Variants in KALRN observed in about 807,000 individuals in gnomAD.
The protein encoded by KALRN is kalirin RhoGEF kinase.
In KALRN, 70 loss-of-function variants were observed where a neutral mutation model predicts 353.7. The ratio of observed to expected loss-of-function variants is 0.20; its 90% CI spans 0.16 to 0.24. The LOEUF (loss-of-function observed/expected upper bound fraction) is 0.24. Among genes scored for constraint, KALRN ranks in the 10% least tolerant of loss-of-function variants. The pLI is 1.00. For missense variants in KALRN, 2,791 were observed against 3,756.7 expected, an observed-to-expected ratio of 0.74 and a Z score of 6.72; for synonymous variants, 1,391 against 1,434.8, an observed-to-expected ratio of 0.97 and a Z score of 0.69.
At chr3:124,543,397 G>A (rs887714019) in intron 33 of KALRN, among the ~76,000 whole-genome samples, 1 of 151,718 alleles carries the variant, frequency 6.6e-6, no homozygotes, top group South Asian at 2.1e-4. Flanking sequence ...CGCCTCCCAG[G>A]TTCTCACCAT....
At chr3:124,323,439 C>G (rs771181286) in intron 6 of KALRN, among the ~76,000 whole-genome samples, 4 of 152,182 alleles carry the variant, frequency 2.6e-5, no homozygotes, top group Non-Finnish European at 5.9e-5. Context: ...TCTTATTCCT[C>G]TTTGATCTCC....
At chr3:124,636,752 A>T (rs1158411039) in intron 36 of KALRN, among the ~76,000 whole-genome samples, 1 of 152,156 alleles carries the variant, frequency 6.6e-6, no homozygotes, top group Non-Finnish European at 1.5e-5. Flanking sequence ...GGCTGTAGTA[A>T]AGCAAGGACT....
chr3:124,301,806 A>T (rs1273592228), intron 6 of KALRN, among the ~76,000 whole-genome samples: 3 of 151,784 alleles, frequency 2.0e-5, no homozygotes, highest in Non-Finnish European at 1.5e-5. Flanking sequence ...GTGTAGATTC[A>T]CTGCAGCGTT....
intron 13 of KALRN, among the ~76,000 whole-genome samples, chr3:124,408,787 AC>A (rs2091867644): frequency 6.6e-6 from 1 of 152,092 alleles, no homozygotes; most frequent in Admixed American, 6.5e-5. Context: ...GGGAAGAGGG[AC>A]TATAGCTTTC....
chr3:124,506,403 T>A (rs959615), intron 33 of KALRN, among the ~76,000 whole-genome samples: 37,418 of 152,098 alleles, frequency 0.25, 4,777 homozygotes, highest in South Asian at 0.38. Flanking sequence ...TTGTTTTCAG[T>A]CTCTCCCATT....
At chr3:124,345,356 A>G (rs559464920) in intron 9 of KALRN, among the ~76,000 whole-genome samples, 1 of 152,352 alleles carries the variant, frequency 6.6e-6, no homozygotes, top group African/African-American at 2.4e-5. Flanking sequence ...ACTCCTTTAC[A>G]GTACAGAATT....
At chr3:124,523,971 C>T (rs2067370963) in intron 33 of KALRN, among the ~76,000 whole-genome samples, 1 of 152,246 alleles carries the variant, frequency 6.6e-6, no homozygotes, top group Non-Finnish European at 1.5e-5. Flanking sequence ...CTTCTTCCTT[C>T]TCTACTGCCA....
chr3:124,223,712 A>G (rs2078172737), intron 1 of KALRN, among the ~76,000 whole-genome samples: 1 of 152,206 alleles, frequency 6.6e-6, no homozygotes, highest in African/African-American at 2.4e-5. Flanking sequence ...GCCCTGGGGA[A>G]TATACTGCTA....
chr3:124,528,583 G>A (rs13317417), intron 33 of KALRN, among the ~76,000 whole-genome samples: 13,810 of 152,192 alleles, frequency 0.091, 1,251 homozygotes, highest in East Asian at 0.49. Context: ...CCAAATGGGA[G>A]GGGAGCTTAG....
At chr3:124,565,266 C>T (rs2072663923) in intron 34 of KALRN, among the ~76,000 whole-genome samples, 1 of 152,168 alleles carries the variant, frequency 6.6e-6, no homozygotes, top group Non-Finnish European at 1.5e-5. Flanking sequence ...TGCCTGCTTT[C>T]CCCCCTGTCC....
intron 1 of KALRN, among the ~76,000 whole-genome samples, chr3:124,083,895 G>T (rs545649985): frequency 6.6e-6 from 1 of 152,224 alleles, no homozygotes. Context: ...GGCAGACGAT[G>T]AGATTCCTTG....
intron 33 of KALRN, among the ~76,000 whole-genome samples, chr3:124,506,749 T>C (rs1185944816): frequency 6.6e-6 from 1 of 152,266 alleles, no homozygotes; most frequent in East Asian, 1.9e-4. Context: ...GTGTCCTTTC[T>C]GCAAGAATAG....
intron 34 of KALRN, among the ~76,000 whole-genome samples, chr3:124,610,589 T>C (rs1578325758): frequency 6.6e-6 from 1 of 151,736 alleles, no homozygotes; most frequent in East Asian, 2.0e-4. Context: ...GATTGGTGGG[T>C]TTGCATAGGA....
intron 13 of KALRN, 64 bp from the exon 14 acceptor site, chr3:124,413,406 C>A (rs560959965): frequency 7.2e-7 from 1 of 1,381,584 alleles, no homozygotes; most frequent in South Asian, 1.3e-5. Flanking sequence ...GAATTGTGAG[C>A]CTTAACCTAA....
At chr3:124,329,109 C>T (rs1338993888) in intron 7 of KALRN, among the ~76,000 whole-genome samples, 1 of 152,158 alleles carries the variant, frequency 6.6e-6, no homozygotes, top group Non-Finnish European at 1.5e-5. Context: ...TGCATTTTTC[C>T]ACCCAATAAA....
At chr3:124,325,171 G>A (rs2079755687) in intron 6 of KALRN, among the ~76,000 whole-genome samples, 1 of 152,098 alleles carries the variant, frequency 6.6e-6, no homozygotes, top group African/African-American at 2.4e-5. Flanking sequence ...AGTAAAGATG[G>A]GAATGAATGT....
intron 10 of KALRN, among the ~76,000 whole-genome samples, chr3:124,356,138 T>G (rs910202383): frequency 1.3e-5 from 2 of 151,966 alleles, no homozygotes; most frequent in African/African-American, 4.8e-5. Flanking sequence ...GAGTTTATAT[T>G]TGCTGCCTCT....
At chr3:124,703,393 A>G (rs1474986344) in intron 57 of KALRN, among the ~76,000 whole-genome samples, 1 of 152,342 alleles carries the variant, frequency 6.6e-6, no homozygotes, top group South Asian at 2.1e-4. Context: ...GATACTATAT[A>G]CAAATGTTAT....
chr3:124,255,346 T>G (rs114786519), intron 3 of KALRN, among the ~76,000 whole-genome samples: 1,771 of 152,316 alleles, frequency 0.012, 31 homozygotes, highest in African/African-American at 0.04. Flanking sequence ...TTATCATAAC[T>G]TGCATTTATT....
Sources: allele counts gnomAD v4.1 joint callset (sites outside exome capture counted in the v4.1 genomes callset), GRCh38; gene constraint gnomAD v4.1.1; transcripts MANE v1.5; gene names NCBI Gene and HGNC (gene_info 2026-07-23, HGNC 2026-07-21).